Variants in PLCB1 observed in about 807,000 individuals in gnomAD.
PLCB1 encodes 1-phosphatidylinositol 4,5-bisphosphate phosphodiesterase beta-1.
Under a neutral mutation model 161.8 loss-of-function variants are expected in PLCB1, and 46 were observed. The ratio of observed to expected loss-of-function variants is 0.28; its 90% confidence interval spans 0.22 to 0.36. The LOEUF is 0.36. Ranked by LOEUF, PLCB1 falls within the 10% of genes least tolerant of loss-of-function variation. PLCB1 has a pLI of 1.00. For synonymous variants in PLCB1, 517 were observed against 503.7 expected (o/e 1.03, Z -0.35); for missense variants, 1,016 against 1,472.5 (o/e 0.69, Z 5.07).
chr20:8,417,404 A>C (rs1408785963), intron 3 of PLCB1, among the ~76,000 whole-genome samples: 1 of 151,744 alleles, frequency 6.6e-6, no homozygotes, highest in African/African-American at 2.4e-5. Context: ...ATAACAAATC[A>C]AATTTGATCT....
intron 4 of PLCB1, among the ~76,000 whole-genome samples, chr20:8,636,740 C>T (rs923588306): frequency 6.6e-6 from 1 of 152,050 alleles, no homozygotes; most frequent in African/African-American, 2.4e-5. Context: ...ATGGTGCCCA[C>T]ATAAAAACAA....
At chr20:8,454,185 C>T (rs959915048) in intron 3 of PLCB1, among the ~76,000 whole-genome samples, 5 of 152,058 alleles carry the variant, frequency 3.3e-5, no homozygotes, top group Non-Finnish European at 5.9e-5. Flanking sequence ...TATGGCAGCC[C>T]GAGCTCACTA....
At chr20:8,456,183 A>C (rs1981308496) in intron 3 of PLCB1, among the ~76,000 whole-genome samples, 1 of 152,192 alleles carries the variant, frequency 6.6e-6, no homozygotes, top group Non-Finnish European at 1.5e-5. Flanking sequence ...TCACCACACT[A>C]CTATTTTAGC....
At chr20:8,824,651 G>T (rs1985600540) in intron 31 of PLCB1, among the ~76,000 whole-genome samples, 1 of 152,102 alleles carries the variant, frequency 6.6e-6, no homozygotes, top group Non-Finnish European at 1.5e-5. Context: ...TTTCAGCTTG[G>T]ATTTTCGAGG....
At chr20:8,374,508 T>TC (rs1280894794) in intron 3 of PLCB1, among the ~76,000 whole-genome samples, 1 of 152,176 alleles carries the variant, frequency 6.6e-6, no homozygotes, top group Non-Finnish European at 1.5e-5. Context: ...CCTTGGCAGC[T>TC]CCTGGCCTCC....
chr20:8,621,894 C>T (rs1394824695), intron 3 of PLCB1, among the ~76,000 whole-genome samples: 1 of 152,244 alleles, frequency 6.6e-6, no homozygotes, highest in East Asian at 1.9e-4. Context: ...TGTTAGTTTG[C>T]AGATTAAATA....
chr20:8,272,659 A>G (rs1208855009), intron 2 of PLCB1, among the ~76,000 whole-genome samples: 1 of 152,118 alleles, frequency 6.6e-6, no homozygotes, highest in African/African-American at 2.4e-5. Flanking sequence ...GTTTTCTCCT[A>G]TTCTTTCCAG....
intron 31 of PLCB1, among the ~76,000 whole-genome samples, chr20:8,795,833 C>T (rs57784359): frequency 0.067 from 9,992 of 149,846 alleles, 911 homozygotes; most frequent in African/African-American, 0.21. Flanking sequence ...CGAGATCGCG[C>T]CACTGCATTC....
At chr20:8,756,455 G>C (rs1981741426) in intron 23 of PLCB1, among the ~76,000 whole-genome samples, 1 of 152,150 alleles carries the variant, frequency 6.6e-6, no homozygotes, top group South Asian at 2.1e-4. Flanking sequence ...AAACTTGGCA[G>C]CTTATAACAT....
At chr20:8,708,409 T>A (rs981974520) in intron 11 of PLCB1, among the ~76,000 whole-genome samples, 1 of 152,142 alleles carries the variant, frequency 6.6e-6, no homozygotes, top group African/African-American at 2.4e-5. Context: ...AAAAAATAGA[T>A]ACAATTAGCA....
At chr20:8,624,050 T>A (rs1038389934) in intron 3 of PLCB1, 1 of 152,196 alleles carries the variant, frequency 6.6e-6, no homozygotes, top group Non-Finnish European at 1.5e-5. Flanking sequence ...TCCTCCACAA[T>A]GAAATTTGAA....
chr20:8,613,028 T>C (rs1052806397), intron 3 of PLCB1, among the ~76,000 whole-genome samples: 1 of 152,194 alleles, frequency 6.6e-6, no homozygotes, highest in African/African-American at 2.4e-5. Context: ...TTCTGTTTGC[T>C]TTATTTTTAA....
chr20:8,236,032 A>G (rs777886255), intron 2 of PLCB1, among the ~76,000 whole-genome samples: 1 of 152,236 alleles, frequency 6.6e-6, no homozygotes, highest in Non-Finnish European at 1.5e-5. Flanking sequence ...CTACAAATTC[A>G]GTTAAAGTTA....
intron 3 of PLCB1, among the ~76,000 whole-genome samples, chr20:8,394,544 T>A (rs1568659899): frequency 6.6e-6 from 1 of 152,144 alleles, no homozygotes. Flanking sequence ...GTGGTCACAA[T>A]CAAGTTGCTT....
chr20:8,451,493 G>A (rs1183422553), intron 3 of PLCB1, among the ~76,000 whole-genome samples: 1 of 151,990 alleles, frequency 6.6e-6, no homozygotes, highest in Non-Finnish European at 1.5e-5. Context: ...GACCACAGGT[G>A]GGCGTCACCA....
At chr20:8,797,103 G>A (rs189956369) in intron 31 of PLCB1, among the ~76,000 whole-genome samples, 1 of 151,914 alleles carries the variant, frequency 6.6e-6, no homozygotes, top group Admixed American at 6.6e-5. Context: ...ATAAAATTTT[G>A]TGTTGGTGGT....
At chr20:8,259,436 A>G (rs2743160) in intron 2 of PLCB1, among the ~76,000 whole-genome samples, 138,848 of 151,950 alleles carry the variant, frequency 0.91, 63,669 homozygotes, top group East Asian at 0.98. Context: ...GGGCAACATG[A>G]CAAACCCTAT....
intron 3 of PLCB1, among the ~76,000 whole-genome samples, chr20:8,579,911 G>A (rs1422850245): frequency 6.6e-6 from 1 of 152,114 alleles, no homozygotes; most frequent in Non-Finnish European, 1.5e-5. Flanking sequence ...GTTTCCACAG[G>A]AACAAATAGG....
chr20:8,640,748 T>C (rs1988926209), intron 4 of PLCB1, among the ~76,000 whole-genome samples: 1 of 152,190 alleles, frequency 6.6e-6, no homozygotes, highest in Admixed American at 6.5e-5. Flanking sequence ...ATGCTAAGAA[T>C]ACACCTGAGA....
Sources: allele counts gnomAD v4.1 joint callset (sites outside exome capture counted in the v4.1 genomes callset), GRCh38; gene constraint gnomAD v4.1.1; transcripts MANE v1.5; gene names NCBI Gene and HGNC (gene_info 2026-07-23, HGNC 2026-07-21).